The following CNTNAP2 variants were observed in gnomAD, a reference collection of about 807,000 sequenced individuals.
The protein encoded by CNTNAP2 is contactin associated protein 2, also known as contactin-associated protein-like 2.
A neutral mutation model predicts 155.2 loss-of-function variants in CNTNAP2; 98 were observed. The ratio of observed to expected loss-of-function variants is 0.63; its 90% confidence interval spans 0.54 to 0.75. The LOEUF is 0.75. Among genes scored for constraint, CNTNAP2 ranks in the 30% least tolerant of loss-of-function variants. The probability of loss-of-function intolerance (pLI) is 0.00; values close to 1 mark genes in which losing one functional copy is unlikely to be tolerated. For synonymous variants in CNTNAP2, 651 were observed against 631.2 expected, an observed-to-expected ratio of 1.03 and a Z score of -0.47; for missense variants, 1,727 against 1,688.1, an observed-to-expected ratio of 1.02 and a Z score of -0.40.
intron 14 of CNTNAP2, among the ~76,000 whole-genome samples, chr7:147,959,376 A>G (rs1051486130): frequency 2.6e-5 from 4 of 152,070 alleles, no homozygotes. Context: ...AGTACCCACC[A>G]TGAGTTTGAT....
intron 21 of CNTNAP2, among the ~76,000 whole-genome samples, chr7:148,303,561 A>T (rs1276725235): frequency 6.6e-6 from 1 of 152,200 alleles, no homozygotes; most frequent in Non-Finnish European, 1.5e-5. Context: ...ATACATACTA[A>T]GCTGAGAATG....
chr7:147,344,624 T>C (rs1316491064), intron 9 of CNTNAP2, among the ~76,000 whole-genome samples: 1 of 152,192 alleles, frequency 6.6e-6, no homozygotes, highest in Non-Finnish European at 1.5e-5. Context: ...GATAAAACTT[T>C]TGTAGATACT....
intron 9 of CNTNAP2, among the ~76,000 whole-genome samples, chr7:147,338,869 T>TAGGGGCCAAACA (rs1795708167): frequency 6.6e-6 from 1 of 151,550 alleles, no homozygotes; most frequent in Non-Finnish European, 1.5e-5. Context: ...ATGGGGGTCT[T>TAGGGGCCAAACA]GAAGAGGGCT....
At chr7:146,584,612 C>G (rs867185403) in intron 1 of CNTNAP2, among the ~76,000 whole-genome samples, 2 of 152,132 alleles carry the variant, frequency 1.3e-5, no homozygotes, top group Admixed American at 1.3e-4. Flanking sequence ...CTACATCATT[C>G]ATCAGAAGAG....
At chr7:146,727,156 C>A (rs1277453893) in intron 1 of CNTNAP2, among the ~76,000 whole-genome samples, 3 of 151,962 alleles carry the variant, frequency 2.0e-5, no homozygotes, top group Non-Finnish European at 4.4e-5. Context: ...TTCAGGTAAT[C>A]AATAAAATAA....
At chr7:146,231,907 G>A (rs1412509309) in intron 1 of CNTNAP2, among the ~76,000 whole-genome samples, 1 of 152,206 alleles carries the variant, frequency 6.6e-6, no homozygotes, top group Non-Finnish European at 1.5e-5. Flanking sequence ...AATTCAGAAA[G>A]AGAGCTAGTT....
chr7:147,579,076 C>T (rs766910031), intron 12 of CNTNAP2, among the ~76,000 whole-genome samples: 6 of 152,008 alleles, frequency 3.9e-5, no homozygotes, highest in African/African-American at 7.2e-5. Flanking sequence ...TCTTAATTGA[C>T]GTGGTTCCAA....
intron 2 of CNTNAP2, among the ~76,000 whole-genome samples, chr7:146,813,911 T>C (rs1427659752): frequency 6.6e-6 from 1 of 152,158 alleles, no homozygotes; most frequent in East Asian, 1.9e-4. Flanking sequence ...GATGGTTTTA[T>C]GAAGGGCATT....
chr7:146,779,278 AACAC>A (rs1418270264), intron 2 of CNTNAP2, among the ~76,000 whole-genome samples: 4 of 152,158 alleles, frequency 2.6e-5, no homozygotes, highest in African/African-American at 9.7e-5. Context: ...TTTAAAGAAA[AACAC>A]AAACAAAAAC....
chr7:146,575,471 T>A (rs1480172585), intron 1 of CNTNAP2, among the ~76,000 whole-genome samples: 1 of 152,240 alleles, frequency 6.6e-6, no homozygotes, highest in Non-Finnish European at 1.5e-5. Flanking sequence ...TGTAATTAAT[T>A]GTAATTATTG....
chr7:146,617,120 C>A (rs970910181), intron 1 of CNTNAP2, among the ~76,000 whole-genome samples: 1 of 152,122 alleles, frequency 6.6e-6, no homozygotes, highest in Non-Finnish European at 1.5e-5. Flanking sequence ...CCCGGGTTCA[C>A]GCCATTCTCC....
At chr7:146,677,310 C>CTATGCATTTTTTGT (rs1450267764) in intron 1 of CNTNAP2, among the ~76,000 whole-genome samples, 2 of 152,102 alleles carry the variant, frequency 1.3e-5, no homozygotes, top group African/African-American at 4.8e-5. Context: ...AAAGGAATAT[C>CTATGCATTTTTTGT]TTGTTTGTGA....
rs1274130390 is a variant in CNTNAP2 at position 147,532,722 on chromosome 7, A to G, written c.1778-29416A>G. Among the ~76,000 whole-genome samples the G allele has an allele frequency of 2.6e-5, 4 of 152,346 alleles. No individual in the cohort carries two copies. In the South Asian group the frequency reaches 6.2e-4, roughly 24 times the overall value. On this transcript the variant is annotated intron_variant, in intron 11 of 23. Transcript: ENST00000361727. The stretch of plus-strand genomic sequence containing the variant: ...GGCCTCAGAATCATGGTGGAAGGTG[A>G]AAGACACTTCTTACGTGGCAGCAGC...
chr7:148,237,050 C>A (rs551586390), intron 20 of CNTNAP2, among the ~76,000 whole-genome samples: 1 of 152,286 alleles, frequency 6.6e-6, no homozygotes, highest in South Asian at 2.1e-4. Context: ...ATATCACATA[C>A]CATTCTTCCT....
At chr7:146,799,852 A>C (rs1284682512) in intron 2 of CNTNAP2, among the ~76,000 whole-genome samples, 1 of 152,196 alleles carries the variant, frequency 6.6e-6, no homozygotes, top group Non-Finnish European at 1.5e-5. Flanking sequence ...CCTATCTCAC[A>C]GAGACATTTT....
At chr7:147,609,455 T>C (rs532391758) in intron 12 of CNTNAP2, among the ~76,000 whole-genome samples, 116 of 152,006 alleles carry the variant, frequency 7.6e-4, no homozygotes, top group Admixed American at 1.3e-3. Context: ...GGTGTGAACC[T>C]GGGAGGCGGA....
intron 9 of CNTNAP2, among the ~76,000 whole-genome samples, chr7:147,388,420 C>T (rs374744215): frequency 1.3e-4 from 20 of 152,250 alleles, no homozygotes; most frequent in East Asian, 7.7e-4. Flanking sequence ...TGACCCTGTA[C>T]GTAGGCTGTC....
At chr7:147,967,833 C>G (rs1453521390) in intron 14 of CNTNAP2, among the ~76,000 whole-genome samples, 2 of 152,072 alleles carry the variant, frequency 1.3e-5, no homozygotes, top group Non-Finnish European at 2.9e-5. Context: ...CCCCTTTCAC[C>G]ACGTTAATGA....
chr7:146,357,048 C>A (rs578067404), intron 1 of CNTNAP2, among the ~76,000 whole-genome samples: 5 of 152,088 alleles, frequency 3.3e-5, no homozygotes, highest in African/African-American at 4.8e-5. Flanking sequence ...ACATCTTGTT[C>A]AATGTAAGCA....
Sources: gnomAD v4.1 joint callset for allele counts (sites outside exome capture counted in the v4.1 genomes callset) on GRCh38, gnomAD v4.1.1 for gene constraint, MANE v1.5 for transcripts, NCBI Gene and HGNC (gene_info 2026-07-23, HGNC 2026-07-21) for gene names.